The following RAPGEF5 variants were observed in gnomAD, a reference collection of about 807,000 sequenced individuals.
RAPGEF5 encodes the protein M-Ras-regulated GEF.
Under a neutral mutation model 125.2 loss-of-function variants are expected in RAPGEF5, and 65 were observed. The observed-to-expected ratio is 0.52, with a 90% confidence interval of 0.43 to 0.64. The LOEUF (loss-of-function observed/expected upper bound fraction) is 0.64. RAPGEF5 is among the 30% of genes least tolerant of loss of function. The probability of loss-of-function intolerance (pLI) is 0.00; values close to 1 mark genes in which losing one functional copy is unlikely to be tolerated. For missense variants in RAPGEF5, 958 were observed against 1,048.1 expected (o/e 0.91, Z 1.19); for synonymous variants, 391 against 385.9 (o/e 1.01, Z -0.16).
intron 11 of RAPGEF5, among the ~76,000 whole-genome samples, chr7:22,177,712 A>G (rs1360908953): frequency 6.6e-6 from 1 of 152,250 alleles, no homozygotes; most frequent in Admixed American, 6.5e-5. Flanking sequence ...TTGAGGTGAC[A>G]GCACTGAGGC....
chr7:22,138,006 T>TACACACACACAC (rs57116603), intron 21 of RAPGEF5, among the ~76,000 whole-genome samples: 57 of 148,554 alleles, frequency 3.8e-4, no homozygotes, highest in African/African-American at 1.3e-3. Flanking sequence ...GTTTGGAAAC[T>TACACACACACAC]ACACACACAC....
chr7:22,246,255 G>A (rs1188287362), intron 7 of RAPGEF5, among the ~76,000 whole-genome samples: 1 of 152,058 alleles, frequency 6.6e-6, no homozygotes, highest in Non-Finnish European at 1.5e-5. Context: ...TAAAAAAAGA[G>A]CCCAAATAGC....
chr7:22,266,887 C>T, intron 7 of RAPGEF5, 77 bp downstream of exon 7: 1 of 1,420,400 alleles, frequency 7.0e-7, no homozygotes, highest in South Asian at 1.2e-5. Flanking sequence ...ATACACTCAA[C>T]TGCACACTAC....
At chr7:22,343,910 A>T (rs1397719181) in intron 1 of RAPGEF5, among the ~76,000 whole-genome samples, 3 of 152,162 alleles carry the variant, frequency 2.0e-5, no homozygotes, top group Non-Finnish European at 2.9e-5. Context: ...GCGGAAAAAA[A>T]AAAGCAGGGG....
intron 3 of RAPGEF5, among the ~76,000 whole-genome samples, chr7:22,311,413 A>G (rs1783468589): frequency 6.6e-6 from 1 of 152,224 alleles, no homozygotes; most frequent in African/African-American, 2.4e-5. Context: ...TCTAAAGTAG[A>G]AAAATATTGC....
In RAPGEF5 at chr7:22,338,534, T is replaced by G. The variant is rs147091252; in HGVS notation, c.231+18296A>C. On this transcript the variant is annotated intron_variant, in intron 1 of 25. Coordinates refer to ENST00000665637, the MANE Select transcript of RAPGEF5 (RefSeq NM_012294.5). Reference sequence around the variant, plus strand: ...GTAGCTAAGGACTGGGATAATTCCTTTAGTCATTTGTGTATTCTCAACGTC... The same window carrying G: ...GTAGCTAAGGACTGGGATAATTCCTGTAGTCATTTGTGTATTCTCAACGTC... Among the ~76,000 whole-genome samples, 337 of 152,370 alleles carry G rather than the reference T, an allele frequency of 2.2e-3. 1 individual carries two copies. Among genetic ancestry groups the G allele is most frequent in the African/African-American group, 7.8e-3 (326 of 41,588 alleles).
chr7:22,282,689 T>C (rs1782701413), intron 6 of RAPGEF5, among the ~76,000 whole-genome samples: 1 of 152,230 alleles, frequency 6.6e-6, no homozygotes, highest in South Asian at 2.1e-4. Context: ...TCAAAATGCC[T>C]GTGCAAGGTA....
chr7:22,355,063 G>C (rs1302513728), intron 1 of RAPGEF5, among the ~76,000 whole-genome samples: 1 of 152,114 alleles, frequency 6.6e-6, no homozygotes, highest in Non-Finnish European at 1.5e-5. Flanking sequence ...CAAAAAGTAT[G>C]GGTTTCCAAC....
chr7:22,193,399 A>C lies in RAPGEF5; in HGVS notation c.1172T>G (p.Leu391Trp). The C allele has an allele frequency of 6.3e-7, 1 of 1,595,990 alleles. No individual in the cohort carries two copies. The highest frequency in any genetic ancestry group is 1.1e-5 in the South Asian group (1 of 87,456). ...TTTGTCCTGGACTTCTTCCAGGTGC[A>C]AGTCATTCAAAAGGTGCTCCAAAAT... ...EKILEHLLND[L>W]HLEEVQDKET... Residue 391 changes from leucine (L) to tryptophan (W), a missense_variant, in exon 11 of 26, where the codon TTG (leucine) becomes TGG (tryptophan). Transcript: ENST00000665637.
At chr7:22,163,021 G>C in intron 12 of RAPGEF5, 1 of 456,272 alleles carries the variant, frequency 2.2e-6, no homozygotes, top group East Asian at 7.0e-5. Context: ...TTCTGCAACA[G>C]AATTTGTAAC....
intron 18 of RAPGEF5, among the ~76,000 whole-genome samples, chr7:22,150,045 A>T (rs1209927890): frequency 1.3e-5 from 2 of 150,790 alleles, no homozygotes; most frequent in Non-Finnish European, 3.0e-5. Context: ...AAACACATAA[A>T]ACCTATGCTT....
chr7:22,349,354 G>A (rs1784286764), intron 1 of RAPGEF5, among the ~76,000 whole-genome samples: 1 of 147,496 alleles, frequency 6.8e-6, no homozygotes, highest in African/African-American at 2.5e-5. Flanking sequence ...AACCCAAGAG[G>A]TAGAGGTTGC....
intron 4 of RAPGEF5, 65 bp downstream of exon 4, chr7:22,309,904 A>G: frequency 2.1e-6 from 3 of 1,452,818 alleles, no homozygotes; most frequent in Non-Finnish European, 2.7e-6. Context: ...CTAGAAAATC[A>G]AGTGTATTTT....
At chr7:22,309,115 T>C (rs1783412228) in intron 4 of RAPGEF5, among the ~76,000 whole-genome samples, 1 of 152,212 alleles carries the variant, frequency 6.6e-6, no homozygotes. Context: ...TTTAAAGGAA[T>C]CAAGAGCTAG....
intron 9 of RAPGEF5, among the ~76,000 whole-genome samples, chr7:22,206,563 C>T (rs567825916): frequency 2.2e-4 from 34 of 151,134 alleles, no homozygotes; most frequent in African/African-American, 7.5e-4. Context: ...ATTAGCTGGG[C>T]GTGGTAGTAC....
chr7:22,260,689 T>C (rs549936527), intron 7 of RAPGEF5, among the ~76,000 whole-genome samples: 17 of 152,246 alleles, frequency 1.1e-4, no homozygotes, highest in African/African-American at 3.9e-4. Context: ...AAATATCTGA[T>C]TTATATAATA....
intron 18 of RAPGEF5, 61 bp from the exon 19 acceptor site, chr7:22,147,080 T>G: frequency 3.2e-6 from 5 of 1,577,932 alleles, no homozygotes; most frequent in Non-Finnish European, 4.3e-6. Flanking sequence ...CTGCATTGGC[T>G]GGCTGTAGAA....
chr7:22,262,266 A>G (rs1427798686), intron 7 of RAPGEF5, among the ~76,000 whole-genome samples: 1 of 152,208 alleles, frequency 6.6e-6, no homozygotes, highest in Non-Finnish European at 1.5e-5. Flanking sequence ...GCATCAACAA[A>G]CAATTCACCA....
At chr7:22,193,253 A>G in intron 11 of RAPGEF5, 114 bp downstream of exon 11, 1 of 1,143,778 alleles carries the variant, frequency 8.7e-7, no homozygotes, top group South Asian at 1.6e-5. Context: ...CACAAAGCAT[A>G]TGCTATTTCT....
Sources: allele counts gnomAD v4.1 joint callset (sites outside exome capture counted in the v4.1 genomes callset), GRCh38; gene constraint gnomAD v4.1.1; transcripts MANE v1.5; gene names NCBI Gene and HGNC (gene_info 2026-07-23, HGNC 2026-07-21).